KLHL29: variants seen among roughly 807,000 people sequenced by gnomAD.
KLHL29 encodes kelch like family member 29.
KLHL29 carries 21 observed loss-of-function variants against 80.4 expected under a neutral mutation model. The ratio of observed to expected loss-of-function variants is 0.26; its 90% CI spans 0.19 to 0.38. The LOEUF (loss-of-function observed/expected upper bound fraction) is 0.38. Ranked by LOEUF, KLHL29 falls within the 10% of genes least tolerant of loss-of-function variation. The pLI is 1.00. For synonymous variants in KLHL29, 511 were observed against 526.8 expected, an observed-to-expected ratio of 0.97 and a Z score of 0.41; for missense variants, 867 against 1,223.9, an observed-to-expected ratio of 0.71 and a Z score of 4.35.
intron 2 of KLHL29, among the ~76,000 whole-genome samples, chr2:23,525,731 C>T (rs113154158): frequency 0.13 from 8,577 of 68,188 alleles, 712 homozygotes; most frequent in African/African-American, 0.26. Context: ...CCCCTGCCCC[C>T]CCCCCCCACC....
intron 2 of KLHL29, among the ~76,000 whole-genome samples, chr2:23,533,387 G>A (rs1294530715): frequency 1.3e-5 from 2 of 152,164 alleles, no homozygotes; most frequent in Admixed American, 1.3e-4. Context: ...AGCTGGGATG[G>A]TCTAAGCAGG....
At chr2:23,648,471 C>T (rs549789522) in intron 5 of KLHL29, among the ~76,000 whole-genome samples, 7 of 152,172 alleles carry the variant, frequency 4.6e-5, no homozygotes, top group East Asian at 1.9e-4. Context: ...GCTCCCAGGG[C>T]GTCCACCGTG....
intron 2 of KLHL29, among the ~76,000 whole-genome samples, chr2:23,504,482 G>T (rs549925016): frequency 6.6e-6 from 1 of 152,300 alleles, no homozygotes; most frequent in African/African-American, 2.4e-5. Context: ...GGCAGCAAAG[G>T]CGGCTGTCTG....
intron 1 of KLHL29, among the ~76,000 whole-genome samples, chr2:23,440,029 C>T (rs1663465848): frequency 6.6e-6 from 1 of 150,934 alleles, no homozygotes; most frequent in Non-Finnish European, 1.5e-5. Flanking sequence ...GGAGAGTTAG[C>T]TTTTCTTGTT....
intron 6 of KLHL29, among the ~76,000 whole-genome samples, chr2:23,688,357 C>T (rs1671374001): frequency 6.6e-6 from 1 of 152,182 alleles, no homozygotes; most frequent in South Asian, 2.1e-4. Context: ...CCACCACTGC[C>T]CATGGATTCC....
intron 3 of KLHL29, among the ~76,000 whole-genome samples, chr2:23,630,315 G>A (rs934186343): frequency 2.0e-5 from 3 of 152,166 alleles, no homozygotes; most frequent in East Asian, 1.9e-4. Context: ...TGGCATGAGC[G>A]CAGCCTTGAT....
intron 3 of KLHL29, among the ~76,000 whole-genome samples, chr2:23,636,108 G>A (rs1409888528): frequency 3.3e-5 from 5 of 152,142 alleles, no homozygotes; most frequent in African/African-American, 4.8e-5. Context: ...TCCAGAACCC[G>A]GGGACCACAT....
At chr2:23,622,057 CA>C (rs1447647613) in intron 3 of KLHL29, among the ~76,000 whole-genome samples, 1 of 152,208 alleles carries the variant, frequency 6.6e-6, no homozygotes, top group Non-Finnish European at 1.5e-5. Context: ...TGGGCACCTG[CA>C]ATGCACATCC....
At chr2:23,431,747 A>G (rs1010675284) in intron 1 of KLHL29, among the ~76,000 whole-genome samples, 1 of 152,010 alleles carries the variant, frequency 6.6e-6, no homozygotes, top group Non-Finnish European at 1.5e-5. Flanking sequence ...CAAAAAAATT[A>G]GCTGGGCGTT....
At chr2:23,578,848 A>C (rs139914893) in intron 3 of KLHL29, among the ~76,000 whole-genome samples, 139 of 152,346 alleles carry the variant, frequency 9.1e-4, no homozygotes, top group African/African-American at 3.1e-3. Flanking sequence ...TGTGGCAGGC[A>C]TCTCGGCAAT....
chr2:23,554,135 C>A (rs572413266), intron 2 of KLHL29, among the ~76,000 whole-genome samples: 1 of 152,310 alleles, frequency 6.6e-6, no homozygotes, highest in South Asian at 2.1e-4. Context: ...CCCCACCTCC[C>A]GCTAACATCC....
intron 2 of KLHL29, among the ~76,000 whole-genome samples, chr2:23,540,706 G>A (rs6745031): frequency 0.42 from 63,697 of 152,038 alleles, 14,138 homozygotes; most frequent in East Asian, 0.72. Flanking sequence ...TCAGGCTTCA[G>A]CACAGCCAGA....
Position 23,696,267 on chromosome 2 carries a change from T to G in KLHL29, c.1925-66T>G. The G allele has an allele frequency of 6.7e-7, 1 of 1,499,680 alleles. No homozygotes were observed. The highest frequency in any genetic ancestry group is 9.1e-7 in the Non-Finnish European group (1 of 1,103,408). The allele number at this position is 1,499,680 out of a possible 1,614,324, so 92.9% of individuals were successfully genotyped here. On this transcript the variant is annotated intron_variant, in intron 10 of 13. Transcript: ENST00000486442. This position sits in a 1 kb window ranked among gnomAD's most constrained non-coding sequence, Gnocchi z 5.5. The stretch of plus-strand genomic sequence containing the variant: ...TGAAGCCTTCCTCTGCCCCTGGGGC[T>G]GGGCCTGCTGACCCCAGGCCCCTCC...
intron 1 of KLHL29, among the ~76,000 whole-genome samples, chr2:23,428,031 C>T (rs574629467): frequency 1.8e-4 from 28 of 152,282 alleles, no homozygotes; most frequent in African/African-American, 6.5e-4. Flanking sequence ...CATCAGCATG[C>T]GTGAAAACTC....
chr2:23,554,428 A>G (rs550049862), intron 2 of KLHL29, among the ~76,000 whole-genome samples: 2 of 152,334 alleles, frequency 1.3e-5, no homozygotes, highest in East Asian at 3.9e-4. Flanking sequence ...ATCTGGAGAC[A>G]GCGCGGGTCC....
intron 2 of KLHL29, among the ~76,000 whole-genome samples, chr2:23,552,292 C>T (rs546104275): frequency 2.6e-5 from 4 of 152,308 alleles, no homozygotes; most frequent in Admixed American, 1.3e-4. Flanking sequence ...TGGCTGTGCG[C>T]GTGGCATTGA....
intron 3 of KLHL29, among the ~76,000 whole-genome samples, chr2:23,568,851 C>G (rs1667650525): frequency 6.6e-6 from 1 of 152,206 alleles, no homozygotes; most frequent in Non-Finnish European, 1.5e-5. Context: ...GGCTGGCATG[C>G]CTCAGGCAGA....
intron 5 of KLHL29, among the ~76,000 whole-genome samples, chr2:23,645,302 G>A (rs1439785316): frequency 1.3e-5 from 2 of 152,138 alleles, no homozygotes; most frequent in East Asian, 3.9e-4. Flanking sequence ...ACAGGACCAG[G>A]TGGGCTTGGA....
At chr2:23,533,935 G>GT (rs66937094) in intron 2 of KLHL29, among the ~76,000 whole-genome samples, 58,745 of 145,678 alleles carry the variant, frequency 0.4, 12,608 homozygotes, top group Non-Finnish European at 0.5. Flanking sequence ...GGTGTCTGTT[G>GT]TTTTTTTTTT....
Sources: gnomAD v4.1 joint callset for allele counts (sites outside exome capture counted in the v4.1 genomes callset) on GRCh38, gnomAD v4.1.1 for gene constraint, Gnocchi (gnomAD v3.1) non-coding constraint, MANE v1.5 for transcripts, NCBI Gene and HGNC (gene_info 2026-07-23, HGNC 2026-07-21) for gene names.